Variants in TBL1XR1 observed in about 807,000 individuals in gnomAD.
TBL1XR1 encodes F-box-like/WD repeat-containing protein TBL1XR1.
A neutral mutation model predicts 66.9 loss-of-function variants in TBL1XR1; 5 were observed. That is an observed-to-expected ratio of 0.07 (90% CI 0.04 to 0.16). The LOEUF (loss-of-function observed/expected upper bound fraction) is 0.16, where lower values mean the gene tolerates loss of function less well. TBL1XR1 is among the 10% of genes least tolerant of loss of function. The probability of loss-of-function intolerance (pLI) is 1.00; values close to 1 mark genes in which losing one functional copy is unlikely to be tolerated. For missense variants in TBL1XR1, 238 were observed against 623.2 expected (o/e 0.38, Z 6.58); for synonymous variants, 210 against 206.0 (o/e 1.02, Z -0.17).
At chr3:177,133,891 A>G (rs2108795241) in intron 1 of TBL1XR1, among the ~76,000 whole-genome samples, 1 of 151,830 alleles carries the variant, frequency 6.6e-6, no homozygotes, top group East Asian at 1.9e-4. Context: ...AAAAAAAAAA[A>G]AAAAGTAACA....
At chr3:177,074,010 T>C (rs1720373008) in intron 2 of TBL1XR1, among the ~76,000 whole-genome samples, 1 of 152,164 alleles carries the variant, frequency 6.6e-6, no homozygotes, top group Admixed American at 6.5e-5. Flanking sequence ...CTTTACCACA[T>C]ACACAGCAAC....
At chr3:177,133,662 G>A (rs1298545452) in intron 1 of TBL1XR1, among the ~76,000 whole-genome samples, 7 of 152,026 alleles carry the variant, frequency 4.6e-5, no homozygotes, top group African/African-American at 1.7e-4. Context: ...AACACTTTGA[G>A]AGGCGGAGGC....
intron 1 of TBL1XR1, among the ~76,000 whole-genome samples, chr3:177,119,493 G>A (rs1726724930): frequency 6.6e-6 from 1 of 152,154 alleles, no homozygotes; most frequent in Non-Finnish European, 1.5e-5. Flanking sequence ...GGGAAGGGGT[G>A]TTTTGAATCC....
intron 1 of TBL1XR1, among the ~76,000 whole-genome samples, chr3:177,153,229 C>CA (rs1463167048): frequency 6.6e-6 from 1 of 152,048 alleles, no homozygotes; most frequent in Admixed American, 6.6e-5. Flanking sequence ...AAGGGGGAAA[C>CA]AAAGACTCTA....
intron 1 of TBL1XR1, among the ~76,000 whole-genome samples, chr3:177,175,010 T>A (rs1438346305): frequency 6.6e-6 from 1 of 152,234 alleles, no homozygotes; most frequent in Non-Finnish European, 1.5e-5. Context: ...CAAAACTGTT[T>A]GCCAGAAAAG....
At chr3:177,200,985 C>G (rs938656206), upstream of TBL1XR1, among the ~76,000 whole-genome samples, 1 of 149,986 alleles carries the variant, frequency 6.7e-6, no homozygotes, top group Non-Finnish European at 1.5e-5. Context: ...CCAGCCTAGG[C>G]GACAGAGTGA....
intron 1 of TBL1XR1, among the ~76,000 whole-genome samples, chr3:177,183,638 G>C (rs992523890): frequency 6.6e-6 from 1 of 151,204 alleles, no homozygotes; most frequent in Non-Finnish European, 1.5e-5. Context: ...AGCCTCCGCA[G>C]CTGGGATTAC....
At chr3:177,114,317 T>C (rs897238344) in intron 1 of TBL1XR1, among the ~76,000 whole-genome samples, 1 of 151,506 alleles carries the variant, frequency 6.6e-6, no homozygotes, top group African/African-American at 2.4e-5. Context: ...ATATATGATA[T>C]ATATATGATA....
chr3:177,155,366 T>A (rs780990103), intron 1 of TBL1XR1, among the ~76,000 whole-genome samples: 27 of 152,128 alleles, frequency 1.8e-4, no homozygotes, highest in African/African-American at 6.3e-4. Flanking sequence ...AGCCACAGAC[T>A]CCACATTAAT....
intron 1 of TBL1XR1, among the ~76,000 whole-genome samples, chr3:177,179,215 A>G (rs1009063982): frequency 2.0e-5 from 3 of 151,872 alleles, no homozygotes; most frequent in Non-Finnish European, 2.9e-5. Context: ...GACTAAAAAC[A>G]TGGCCAAACT....
chr3:177,145,820 A>G (rs552487951), intron 1 of TBL1XR1, among the ~76,000 whole-genome samples: 9 of 152,360 alleles, frequency 5.9e-5, no homozygotes, highest in African/African-American at 1.9e-4. Context: ...TGTTGAACAT[A>G]TAGTTGCAAA....
At chr3:177,138,297 A>G (rs1729227650) in intron 1 of TBL1XR1, among the ~76,000 whole-genome samples, 1 of 152,204 alleles carries the variant, frequency 6.6e-6, no homozygotes, top group African/African-American at 2.4e-5. Context: ...AGGAATCTCT[A>G]TAAAAGGTGG....
At chr3:177,079,074 G>A (rs1296054081) in intron 2 of TBL1XR1, among the ~76,000 whole-genome samples, 2 of 152,130 alleles carry the variant, frequency 1.3e-5, no homozygotes, top group African/African-American at 2.4e-5. Flanking sequence ...CGTAGCATAG[G>A]CTATTTTAAT....
chr3:177,057,893 AC>A (rs1480465838), intron 3 of TBL1XR1, among the ~76,000 whole-genome samples: 1 of 152,182 alleles, frequency 6.6e-6, no homozygotes. Context: ...AGTGACAGAG[AC>A]GAGCAACGAC....
intron 1 of TBL1XR1, among the ~76,000 whole-genome samples, chr3:177,135,325 G>T (rs1318784331): frequency 1.0e-5 from 1 of 99,290 alleles, no homozygotes; most frequent in African/African-American, 3.7e-5. Flanking sequence ...GTGTGTGTGT[G>T]TGTGTGTGTA....
chr3:177,131,547 G>A (rs73187553), intron 1 of TBL1XR1: 56,323 of 271,930 alleles, frequency 0.21, 6,715 homozygotes, highest in East Asian at 0.48. Flanking sequence ...GTCTCACTCC[G>A]TTGCCCAGGC....
intron 1 of TBL1XR1, among the ~76,000 whole-genome samples, chr3:177,106,107 C>T (rs1031435971): frequency 5.9e-5 from 9 of 151,652 alleles, no homozygotes; most frequent in African/African-American, 2.2e-4. Flanking sequence ...AATGAAGACA[C>T]CATAAACAGA....
At chr3:177,035,179 TTAGACCTTTC>T (rs1257564483) in intron 12 of TBL1XR1, among the ~76,000 whole-genome samples, 1 of 152,146 alleles carries the variant, frequency 6.6e-6, no homozygotes, top group Non-Finnish European at 1.5e-5. Context: ...ACTGATTTCA[TTAGACCTTTC>T]TAATTCATAG....
chr3:177,091,334 TTA>T (rs1461355789), intron 2 of TBL1XR1, among the ~76,000 whole-genome samples: 1 of 152,172 alleles, frequency 6.6e-6, no homozygotes, highest in African/African-American at 2.4e-5. Context: ...TACATGTACT[TTA>T]TATGTCATTT....
Sources: allele counts gnomAD v4.1 joint callset (sites outside exome capture counted in the v4.1 genomes callset), GRCh38; gene constraint gnomAD v4.1.1; transcripts MANE v1.5; gene names NCBI Gene and HGNC (gene_info 2026-07-23, HGNC 2026-07-21).